Variants in SDK1 observed in about 807,000 individuals in gnomAD.
The protein encoded by SDK1 is sidekick cell adhesion molecule 1.
SDK1 carries 157 observed loss-of-function variants against 245.5 expected under a neutral mutation model. The ratio of observed to expected loss-of-function variants is 0.64; its 90% CI spans 0.56 to 0.73. The LOEUF is 0.73. SDK1 is among the 30% of genes least tolerant of loss of function. The probability of loss-of-function intolerance (pLI) is 0.00; values close to 1 mark genes in which losing one functional copy is unlikely to be tolerated. For synonymous variants in SDK1, 1,647 were observed against 1,278.5 expected, an observed-to-expected ratio of 1.29 and a Z score of -6.15; for missense variants, 3,583 against 3,002.3, an observed-to-expected ratio of 1.19 and a Z score of -4.52.
intron 35 of SDK1, among the ~76,000 whole-genome samples, chr7:4,185,548 G>A (rs765740537): frequency 5.3e-4 from 81 of 152,136 alleles, no homozygotes; most frequent in Non-Finnish European, 4.0e-4. Context: ...CCCTACTCCC[G>A]TCCCTGGGAG....
intron 1 of SDK1, among the ~76,000 whole-genome samples, chr7:3,503,722 A>G (rs924688573): frequency 6.6e-6 from 1 of 152,140 alleles, no homozygotes; most frequent in Non-Finnish European, 1.5e-5. Flanking sequence ...ATTAATAAGA[A>G]TGATATACTT....
At chr7:3,500,771 T>C (rs1209783030) in intron 1 of SDK1, among the ~76,000 whole-genome samples, 1 of 152,106 alleles carries the variant, frequency 6.6e-6, no homozygotes, top group African/African-American at 2.4e-5. Context: ...CTAAGACTCC[T>C]GTTTGGAAGT....
At chr7:3,388,099 CT>C (rs1781655029) in intron 1 of SDK1, among the ~76,000 whole-genome samples, 1 of 152,174 alleles carries the variant, frequency 6.6e-6, no homozygotes, top group Non-Finnish European at 1.5e-5. Context: ...GACTGGGGTT[CT>C]CAGTTCTGGC....
intron 1 of SDK1, among the ~76,000 whole-genome samples, chr7:3,323,850 A>G (rs1330111009): frequency 1.3e-5 from 2 of 152,154 alleles, no homozygotes; most frequent in African/African-American, 4.8e-5. Context: ...TGCCTAGCAC[A>G]GTGTTTATAG....
At chr7:3,653,456 G>A (rs985170963) in intron 4 of SDK1, among the ~76,000 whole-genome samples, 17 of 152,162 alleles carry the variant, frequency 1.1e-4, no homozygotes, top group Admixed American at 1.1e-3. Flanking sequence ...GGGCAGATCA[G>A]TGGTGGTGAG....
chr7:3,723,685 T>C (rs1260663186), intron 4 of SDK1, among the ~76,000 whole-genome samples: 1 of 151,728 alleles, frequency 6.6e-6, no homozygotes, highest in East Asian at 1.9e-4. Flanking sequence ...TGTGTATACG[T>C]GTATATACAC....
In SDK1 at chr7:3,867,611, T is replaced by C. The variant is rs145514335; in HGVS notation, c.847+46028T>C. Among the ~76,000 whole-genome samples the C allele has an allele frequency of 8.1e-3, 1,235 of 152,226 alleles. 20 individuals are homozygous for C. The highest frequency in any genetic ancestry group is 0.028 in the African/African-American group (1,159 of 41,516). The stretch of plus-strand genomic sequence containing the variant: ...TAAAACCATCAGATCTCGTGAGACT[T>C]ACTCACTATCACAACAGCAGCATGA... On this transcript the variant is annotated intron_variant, in intron 5 of 44. Transcript: ENST00000404826.
intron 14 of SDK1, among the ~76,000 whole-genome samples, chr7:3,999,509 G>A (rs1784919503): frequency 6.6e-6 from 1 of 152,224 alleles, no homozygotes; most frequent in South Asian, 2.1e-4. Flanking sequence ...GAGGCCCTTG[G>A]AGGTGGACCC....
intron 22 of SDK1, among the ~76,000 whole-genome samples, chr7:4,080,188 T>G (rs1780963935): frequency 6.6e-6 from 1 of 151,208 alleles, no homozygotes; most frequent in South Asian, 2.1e-4. Flanking sequence ...AGGGAGTGAG[T>G]CTGGGGAGAG....
intron 1 of SDK1, among the ~76,000 whole-genome samples, chr7:3,559,476 ATTTTT>A (rs1164366501): frequency 6.6e-6 from 1 of 151,282 alleles, no homozygotes; most frequent in Non-Finnish European, 1.5e-5. Context: ...AATGTTTCAA[ATTTTT>A]TTTTAAGTGC....
chr7:4,020,744 T>C (rs1431486027), intron 17 of SDK1, among the ~76,000 whole-genome samples: 1 of 152,184 alleles, frequency 6.6e-6, no homozygotes, highest in Non-Finnish European at 1.5e-5. Flanking sequence ...TGGGAGTCCA[T>C]CCAGGCCTCA....
chr7:3,781,188 G>C (rs1355471208), intron 4 of SDK1, among the ~76,000 whole-genome samples: 1 of 152,206 alleles, frequency 6.6e-6, no homozygotes, highest in East Asian at 1.9e-4. Flanking sequence ...ACAGCCTATA[G>C]CCCTGCCCAA....
chr7:3,856,629 A>C (rs953447503), intron 5 of SDK1, among the ~76,000 whole-genome samples: 2 of 151,988 alleles, frequency 1.3e-5, no homozygotes, highest in African/African-American at 4.8e-5. Flanking sequence ...CATGTCTCCT[A>C]AAAGTACAAA....
intron 22 of SDK1, among the ~76,000 whole-genome samples, chr7:4,093,637 C>T (rs554579239): frequency 2.0e-5 from 3 of 152,278 alleles, no homozygotes; most frequent in African/African-American, 7.2e-5. Context: ...GGCGCCCAGG[C>T]GTCCCCAGGA....
At chr7:3,339,891 G>C (rs897490367) in intron 1 of SDK1, among the ~76,000 whole-genome samples, 2 of 151,750 alleles carry the variant, frequency 1.3e-5, no homozygotes, top group Non-Finnish European at 1.5e-5. Flanking sequence ...AGAGGAAAAA[G>C]AAAAATCATA....
intron 1 of SDK1, among the ~76,000 whole-genome samples, chr7:3,313,626 A>G (rs1562407040): frequency 6.6e-6 from 1 of 152,174 alleles, no homozygotes; most frequent in Non-Finnish European, 1.5e-5. Flanking sequence ...CACTACAAGT[A>G]CTCATACTGC....
At chr7:4,229,812 C>G (rs1365586675) in intron 40 of SDK1, among the ~76,000 whole-genome samples, 3 of 152,050 alleles carry the variant, frequency 2.0e-5, no homozygotes, top group African/African-American at 7.2e-5. Flanking sequence ...AGGAAAAATA[C>G]AATTCATTCA....
chr7:3,909,178 C>G (rs151263440), intron 5 of SDK1, among the ~76,000 whole-genome samples: 3 of 152,182 alleles, frequency 2.0e-5, no homozygotes, highest in Non-Finnish European at 2.9e-5. Flanking sequence ...CATCTTCAGA[C>G]GCAGTGAGAC....
chr7:3,973,200 G>C (rs943847156), intron 12 of SDK1, among the ~76,000 whole-genome samples: 1 of 152,190 alleles, frequency 6.6e-6, no homozygotes, highest in South Asian at 2.1e-4. Flanking sequence ...AGCCAGATGC[G>C]ATGCCCCGGC....
Sources: allele counts gnomAD v4.1 joint callset (sites outside exome capture counted in the v4.1 genomes callset), GRCh38; gene constraint gnomAD v4.1.1; transcripts MANE v1.5; gene names NCBI Gene and HGNC (gene_info 2026-07-23, HGNC 2026-07-21).